The following PPARGC1B variants were observed in gnomAD, a reference collection of about 807,000 sequenced individuals.
PPARGC1B encodes the protein peroxisome proliferator-activated receptor gamma coactivator 1-beta.
In PPARGC1B, 34 loss-of-function variants were observed where a neutral mutation model predicts 101.6. The observed-to-expected ratio is 0.33, with a 90% CI of 0.25 to 0.45. The LOEUF is 0.45. Among genes scored for constraint, PPARGC1B ranks in the 20% least tolerant of loss-of-function variants. The probability of loss-of-function intolerance (pLI) is 1.00; values close to 1 mark genes in which losing one functional copy is unlikely to be tolerated. For synonymous variants in PPARGC1B, 548 were observed against 539.3 expected (o/e 1.02, Z -0.22); for missense variants, 1,234 against 1,317.6 (o/e 0.94, Z 0.98).
At chr5:149,800,632 A>T (rs1486137169) in intron 1 of PPARGC1B, among the ~76,000 whole-genome samples, 1 of 152,222 alleles carries the variant, frequency 6.6e-6, no homozygotes, top group Non-Finnish European at 1.5e-5. Context: ...TCACAGAGGC[A>T]CCTGGTAAAC....
In PPARGC1B at chr5:149,827,275, C is replaced by G. The variant is rs191038362; in HGVS notation, c.465+390C>G. On this transcript the variant is annotated intron_variant, in intron 3 of 11. Transcript: ENST00000309241. ...TTAGCCCTCTCTCTGTTGCTTTTTCCTGTCCCAGAGGTAACCATGGTTACT... is the reference window on the plus strand; with the variant it reads ...TTAGCCCTCTCTCTGTTGCTTTTTCGTGTCCCAGAGGTAACCATGGTTACT... Among the ~76,000 whole-genome samples, 457 of 152,358 alleles carry G rather than the reference C, an allele frequency of 3.0e-3. 3 individuals are homozygous for G. The highest frequency in any genetic ancestry group is 0.01 in the African/African-American group (433 of 41,578).
At chr5:149,855,551 TG>T (rs1463341818), downstream of PPARGC1B, among the ~76,000 whole-genome samples, 251 of 152,340 alleles carry the variant, frequency 1.6e-3, 2 homozygotes, top group Non-Finnish European at 1.8e-4. Context: ...AAATGGTTTC[TG>T]GTCAGAGGAT....
intron 3 of PPARGC1B, among the ~76,000 whole-genome samples, chr5:149,828,617 G>T (rs912757654): frequency 6.6e-6 from 1 of 152,208 alleles, no homozygotes; most frequent in Admixed American, 6.5e-5. Context: ...GCTGGTCAAA[G>T]GTTGTTTCCC....
At chr5:149,788,011 A>G (rs1581054156) in intron 1 of PPARGC1B, among the ~76,000 whole-genome samples, 1 of 152,364 alleles carries the variant, frequency 6.6e-6, no homozygotes. Flanking sequence ...GGACATAGGC[A>G]TGGGCAAGGA....
chr5:149,765,658 A>G (rs1460351216), intron 1 of PPARGC1B, among the ~76,000 whole-genome samples: 1 of 152,024 alleles, frequency 6.6e-6, no homozygotes, highest in Non-Finnish European at 1.5e-5. Context: ...GGAGATCAAG[A>G]CCATCCTGGC....
intron 3 of PPARGC1B, among the ~76,000 whole-genome samples, chr5:149,830,030 C>CAAAAAAAAAA (rs60711433): frequency 2.6e-4 from 9 of 34,260 alleles, no homozygotes; most frequent in African/African-American, 3.5e-4. Context: ...GACTGCATCT[C>CAAAAAAAAAA]AAAAAAAAAA....
intron 1 of PPARGC1B, among the ~76,000 whole-genome samples, chr5:149,793,136 T>G (rs914216846): frequency 6.6e-6 from 1 of 152,042 alleles, no homozygotes; most frequent in Admixed American, 6.6e-5. Flanking sequence ...TTCCCCACCC[T>G]GGGGTGGCTG....
chr5:149,786,718 T>G (rs987341713), intron 1 of PPARGC1B, among the ~76,000 whole-genome samples: 1 of 152,194 alleles, frequency 6.6e-6, no homozygotes, highest in Admixed American at 6.5e-5. Flanking sequence ...GGAATATCTT[T>G]GGTAGTAGAA....
At chr5:149,738,641 C>T (rs899075337) in intron 1 of PPARGC1B, among the ~76,000 whole-genome samples, 5 of 151,414 alleles carry the variant, frequency 3.3e-5, no homozygotes, top group African/African-American at 7.3e-5. Flanking sequence ...CTCACTCTGT[C>T]GCCCAGGTTG....
At chr5:149,787,555 T>C (rs1756859139) in intron 1 of PPARGC1B, among the ~76,000 whole-genome samples, 1 of 152,252 alleles carries the variant, frequency 6.6e-6, no homozygotes, top group Non-Finnish European at 1.5e-5. Context: ...TAAAATTAGC[T>C]GAGAACATCT....
Position 149,836,969 on chromosome 5 carries a change from G to A in PPARGC1B, c.2514G>A (p.Gln838=). ...CTTGCTCTGACCACTGCCCCTACCAGAGCCCACCAAGCAAGGCCAACCGGC... is the reference window on the plus strand; with the variant it reads ...CTTGCTCTGACCACTGCCCCTACCAAAGCCCACCAAGCAAGGCCAACCGGC... ...SPTCSDHCPY[Q]SPPSKANRQL... Residue 838 remains glutamine, a synonymous_variant, in exon 8 of 12, where the codon CAG becomes CAA. Transcript: ENST00000309241. 6.2e-7 allele frequency: 1 copy of A among 1,614,068 alleles called. No homozygotes were observed.
chr5:149,813,381 C>G (rs988521606), intron 1 of PPARGC1B, among the ~76,000 whole-genome samples: 2 of 152,158 alleles, frequency 1.3e-5, no homozygotes, highest in African/African-American at 4.8e-5. Context: ...GCCCAGACTC[C>G]CCACCATCCC....
At chr5:149,756,311 G>C (rs1049475006) in intron 1 of PPARGC1B, among the ~76,000 whole-genome samples, 1 of 152,062 alleles carries the variant, frequency 6.6e-6, no homozygotes, top group Admixed American at 6.6e-5. Flanking sequence ...AATTAGCCAG[G>C]TGTGGTGGCA....
intron 8 of PPARGC1B, among the ~76,000 whole-genome samples, chr5:149,838,989 A>T (rs948634100): frequency 6.6e-6 from 1 of 152,202 alleles, no homozygotes; most frequent in Non-Finnish European, 1.5e-5. Flanking sequence ...AAGGGATGAT[A>T]ATACAATAAT....
intron 1 of PPARGC1B, among the ~76,000 whole-genome samples, chr5:149,804,707 C>T (rs1441825037): frequency 6.6e-6 from 1 of 152,126 alleles, no homozygotes; most frequent in Non-Finnish European, 1.5e-5. Flanking sequence ...GATGTAATCC[C>T]CGTGAGTGGA....
chr5:149,814,027 A>AT, intron 1 of PPARGC1B, among the ~76,000 whole-genome samples: 1 of 152,190 alleles, frequency 6.6e-6, no homozygotes, highest in Non-Finnish European at 1.5e-5. Context: ...AATTTGCGGG[A>AT]TCACAAACAT....
At chr5:149,754,804 C>CT (rs1755445805) in intron 1 of PPARGC1B, among the ~76,000 whole-genome samples, 1 of 105,604 alleles carries the variant, frequency 9.5e-6, no homozygotes, top group Non-Finnish European at 1.8e-5. Flanking sequence ...TTTTTTTAGA[C>CT]AGAGTCTTGC....
At chr5:149,838,782 T>TCCTG (rs1181206127) in intron 8 of PPARGC1B, among the ~76,000 whole-genome samples, 1 of 152,210 alleles carries the variant, frequency 6.6e-6, no homozygotes, top group Non-Finnish European at 1.5e-5. Context: ...GTAACCTGGC[T>TCCTG]CCTGCTCAGC....
intron 1 of PPARGC1B, among the ~76,000 whole-genome samples, chr5:149,773,930 A>G (rs1400961879): frequency 6.6e-6 from 1 of 152,140 alleles, no homozygotes; most frequent in Non-Finnish European, 1.5e-5. Flanking sequence ...CCCCACTGGC[A>G]TTTCTCTGGA....
Sources: gnomAD v4.1 joint callset for allele counts (sites outside exome capture counted in the v4.1 genomes callset) on GRCh38, gnomAD v4.1.1 for gene constraint, MANE v1.5 for transcripts, NCBI Gene and HGNC (gene_info 2026-07-23, HGNC 2026-07-21) for gene names.